Variants in BRINP1 observed in about 807,000 individuals in gnomAD.
BRINP1 encodes the protein BMP/retinoic acid inducible neural specific 1.
BRINP1 carries 17 observed loss-of-function variants against 72.9 expected under a neutral mutation model. The observed-to-expected ratio is 0.23, with a 90% CI of 0.16 to 0.35. The LOEUF (loss-of-function observed/expected upper bound fraction) is 0.35, where lower values mean the gene tolerates loss of function less well. Ranked by LOEUF, BRINP1 falls within the 10% of genes least tolerant of loss-of-function variation. The pLI, the probability that BRINP1 is intolerant of heterozygous loss-of-function variation, is 1.00. For missense variants in BRINP1, 850 were observed against 1,001.6 expected, an observed-to-expected ratio of 0.85 and a Z score of 2.04; for synonymous variants, 418 against 378.5, an observed-to-expected ratio of 1.10 and a Z score of -1.21.
chr9:119,195,314 T>A (rs966313503), intron 7 of BRINP1, among the ~76,000 whole-genome samples: 1 of 152,214 alleles, frequency 6.6e-6, no homozygotes, highest in Non-Finnish European at 1.5e-5. Context: ...TCAGTATAAA[T>A]ATTAATGTAA....
At chr9:119,205,578 A>G (rs925984229) in intron 7 of BRINP1, among the ~76,000 whole-genome samples, 1 of 152,162 alleles carries the variant, frequency 6.6e-6, no homozygotes, top group Non-Finnish European at 1.5e-5. Flanking sequence ...GGACAAATCC[A>G]GACTCCTTGA....
chr9:119,366,503 C>CGTGTGTGT lies in BRINP1; in HGVS notation c.-51+2545_-51+2552dup, dbSNP rs3983901. Among the ~76,000 whole-genome samples, 4 of 136,226 alleles carry CGTGTGTGT rather than the reference C, an allele frequency of 2.9e-5. 1 individual carries two copies. The highest frequency in any genetic ancestry group is 7.2e-5 in the Admixed American group (1 of 13,820). The allele number at this position is 136,226 out of a possible 152,430, so 89.4% of individuals were successfully genotyped here. ...TCTCTCTCAGTCCTCCCCCCACCAC[C>CGTGTGTGT]GTGTGTGTGTGTGTGTGTGTGTGTG... On this transcript the variant is annotated intron_variant, in intron 1 of 7. Coordinates refer to ENST00000265922, the MANE Select transcript of BRINP1 (RefSeq NM_014618.3).
intron 7 of BRINP1, among the ~76,000 whole-genome samples, chr9:119,174,998 G>A (rs1829464567): frequency 6.7e-6 from 1 of 150,062 alleles, no homozygotes; most frequent in South Asian, 2.1e-4. Context: ...GGATAGCATT[G>A]GGAGATATAC....
chr9:119,247,523 T>C (rs1010648975), intron 3 of BRINP1, among the ~76,000 whole-genome samples: 1 of 151,860 alleles, frequency 6.6e-6, no homozygotes, highest in Non-Finnish European at 1.5e-5. Context: ...GGCATGGTGG[T>C]GGGCGCCTGT....
intron 1 of BRINP1, among the ~76,000 whole-genome samples, chr9:119,363,688 A>G (rs1322804284): frequency 6.6e-6 from 1 of 152,260 alleles, no homozygotes. Context: ...AAACAAGGCC[A>G]TGGCCATGTA....
chr9:119,257,455 T>G (rs981647985), intron 2 of BRINP1, among the ~76,000 whole-genome samples: 43 of 152,230 alleles, frequency 2.8e-4, no homozygotes, highest in African/African-American at 9.2e-4. Flanking sequence ...GAATACATTT[T>G]GGAATACTAT....
In BRINP1 at chr9:119,368,486, C is replaced by A. The variant is rs2119051306; in HGVS notation, c.-51+570G>T. Among the ~76,000 whole-genome samples, 1 of 152,146 alleles carries A rather than the reference C, an allele frequency of 6.6e-6. No individual in the cohort carries two copies. Among genetic ancestry groups the A allele is most frequent in the South Asian group, 2.1e-4 (1 of 4,818 alleles). ...AAGGTGCCATCTACAGCCCCATAAT[C>A]CTCCCCAAACCCCAAGCCCAGAGCC... is the stretch of plus-strand genomic sequence containing the variant. On this transcript the variant is annotated intron_variant, in intron 1 of 7. Coordinates refer to ENST00000265922, the MANE Select transcript of BRINP1 (RefSeq NM_014618.3). The surrounding 1 kb of genome is among the most constrained non-coding windows in gnomAD (Gnocchi z 4.7).
At chr9:119,321,625 C>A (rs1587960176) in intron 1 of BRINP1, among the ~76,000 whole-genome samples, 1 of 152,148 alleles carries the variant, frequency 6.6e-6, no homozygotes, top group African/African-American at 2.4e-5. Context: ...CAAGCACGTG[C>A]CACCATGCCT....
At chr9:119,186,303 C>T (rs1001343990) in intron 7 of BRINP1, among the ~76,000 whole-genome samples, 1 of 152,176 alleles carries the variant, frequency 6.6e-6, no homozygotes, top group African/African-American at 2.4e-5. Context: ...TGCCCCTCCA[C>T]GACCAGGTAC....
intron 2 of BRINP1, among the ~76,000 whole-genome samples, chr9:119,307,482 AAAG>A (rs1314089528): frequency 6.6e-6 from 1 of 152,180 alleles, no homozygotes; most frequent in African/African-American, 2.4e-5. Context: ...TGAAAAGGGG[AAAG>A]AAGAACAAAA....
At chr9:119,218,395 G>A (rs7033357) in intron 5 of BRINP1, among the ~76,000 whole-genome samples, 15,574 of 151,498 alleles carry the variant, frequency 0.1, 1,003 homozygotes, top group African/African-American at 0.18. Context: ...CACTTGCCTC[G>A]GCCTCCCAAA....
At chr9:119,191,777 A>T (rs752742227) in intron 7 of BRINP1, among the ~76,000 whole-genome samples, 55 of 151,918 alleles carry the variant, frequency 3.6e-4, no homozygotes, top group Non-Finnish European at 4.4e-4. Context: ...GAAAACCAAA[A>T]CTCACATAGC....
intron 5 of BRINP1, among the ~76,000 whole-genome samples, chr9:119,222,373 C>T (rs1830049237): frequency 6.6e-6 from 1 of 152,050 alleles, no homozygotes; most frequent in Non-Finnish European, 1.5e-5. Flanking sequence ...TGGAACACAG[C>T]CATGCAGATA....
At chr9:119,200,890 T>C (rs893805601) in intron 7 of BRINP1, among the ~76,000 whole-genome samples, 2 of 151,826 alleles carry the variant, frequency 1.3e-5, no homozygotes, top group African/African-American at 4.8e-5. Flanking sequence ...GAGCAGCCCA[T>C]GTGAATCCTT....
chr9:119,294,354 A>T (rs1830852313), intron 2 of BRINP1, among the ~76,000 whole-genome samples: 1 of 152,012 alleles, frequency 6.6e-6, no homozygotes, highest in Admixed American at 6.6e-5. Context: ...AATATAGTGA[A>T]ACCCTCTACT....
intron 2 of BRINP1, among the ~76,000 whole-genome samples, chr9:119,255,786 T>TCTA (rs1164071525): frequency 1.3e-5 from 2 of 151,804 alleles, no homozygotes; most frequent in Non-Finnish European, 2.9e-5. Context: ...AAACCCCATC[T>TCTA]CTACTACACA....
intron 2 of BRINP1, among the ~76,000 whole-genome samples, chr9:119,256,042 T>C (rs1830445343): frequency 6.7e-6 from 1 of 149,838 alleles, no homozygotes; most frequent in Admixed American, 6.7e-5. Flanking sequence ...CATTCCTGGA[T>C]ATCCGTGTCT....
chr9:119,234,288 A>C (rs957809914), intron 5 of BRINP1, among the ~76,000 whole-genome samples: 10 of 152,222 alleles, frequency 6.6e-5, no homozygotes, highest in African/African-American at 2.4e-4. Flanking sequence ...TGATATTGTC[A>C]GTCTTTTTGA....
chr9:119,172,975 C>T lies in BRINP1; in HGVS notation c.1146-4751G>A, dbSNP rs1004108461. ...CTCAATAAATTAGGTATTGATGGGACGTATTTCAAAATAATAAGAGCCATC... is the reference window on the plus strand; with the variant it reads ...CTCAATAAATTAGGTATTGATGGGATGTATTTCAAAATAATAAGAGCCATC... On this transcript the variant is annotated intron_variant, in intron 7 of 7. Transcript: ENST00000265922. 1.3e-4 allele frequency among the ~76,000 whole-genome samples: 20 copies of T among 150,182 alleles called. 1 individual carries two copies. The highest frequency in any genetic ancestry group is 6.3e-4 in the South Asian group (3 of 4,738).
Sources: allele counts gnomAD v4.1 joint callset (sites outside exome capture counted in the v4.1 genomes callset), GRCh38; gene constraint gnomAD v4.1.1; non-coding constraint Gnocchi (gnomAD v3.1); transcripts MANE v1.5; gene names NCBI Gene and HGNC (gene_info 2026-07-23, HGNC 2026-07-21).